Variants in DNMBP observed in about 807,000 individuals in gnomAD.
DNMBP encodes dynamin binding protein.
A neutral mutation model predicts 150.0 loss-of-function variants in DNMBP; 87 were observed. The ratio of observed to expected loss-of-function variants is 0.58; its 90% CI spans 0.49 to 0.69. The LOEUF (loss-of-function observed/expected upper bound fraction) is 0.69. Among genes scored for constraint, DNMBP ranks in the 30% least tolerant of loss-of-function variants. The probability of loss-of-function intolerance (pLI) is 0.00; values close to 1 mark genes in which losing one functional copy is unlikely to be tolerated. For missense variants in DNMBP, 1,774 were observed against 1,949.0 expected, an observed-to-expected ratio of 0.91 and a Z score of 1.69; for synonymous variants, 711 against 750.4, an observed-to-expected ratio of 0.95 and a Z score of 0.86.
chr10:99,995,097 G>A (rs2040937349), intron 1 of DNMBP, among the ~76,000 whole-genome samples: 1 of 149,584 alleles, frequency 6.7e-6, no homozygotes, highest in Non-Finnish European at 1.5e-5. Context: ...CTGTTGCCCA[G>A]ACTGGAGTGC....
At chr10:99,893,400 A>T (rs1328960784) in intron 11 of DNMBP, among the ~76,000 whole-genome samples, 1 of 152,226 alleles carries the variant, frequency 6.6e-6, no homozygotes, top group African/African-American at 2.4e-5. Context: ...AGTTAAATAT[A>T]TTATGACTTG....
chr10:99,986,594 C>CAAAAA lies in DNMBP; in HGVS notation c.-10-14465_-10-14461dup, dbSNP rs747726572. Among the ~76,000 whole-genome samples the CAAAAA allele has an allele frequency of 7.7e-4, 57 of 74,140 alleles. 2 individuals are homozygous for CAAAAA. The highest frequency in any genetic ancestry group is 2.2e-3 in the African/African-American group (45 of 20,730). 48.6% of individuals were successfully genotyped at this position (74,140 alleles called of 152,430 possible). On this transcript the variant is annotated intron_variant, in intron 1 of 16. Transcript: ENST00000324109. ...TGGGAGACAGAGCAAGACTCCGTCT[C>CAAAAA]AAAAAAAAAAAAAAAAAAAAAAAAA...
intron 14 of DNMBP, among the ~76,000 whole-genome samples, chr10:99,885,475 C>T (rs2039441956): frequency 1.3e-5 from 2 of 152,016 alleles, no homozygotes; most frequent in Non-Finnish European, 1.5e-5. Flanking sequence ...CACACCACTG[C>T]ACTCCAGCCT....
chr10:99,960,498 C>T lies in DNMBP; in HGVS notation c.269-3293G>A, dbSNP rs950632525. ...TTATCTTTTATGCTCTTGATTTTTA[C>T]ATGCTCTTGATTTAAAAAAAAATTA... On this transcript the variant is annotated intron_variant, in intron 3 of 16. Transcript: ENST00000324109. 6.6e-5 allele frequency among the ~76,000 whole-genome samples: 10 copies of T among 152,184 alleles called. No homozygotes were observed. In the East Asian group the frequency reaches 7.7e-4, roughly 12 times the overall value.
At chr10:100,002,344 G>A (rs2041023458) in intron 1 of DNMBP, among the ~76,000 whole-genome samples, 1 of 152,072 alleles carries the variant, frequency 6.6e-6, no homozygotes, top group South Asian at 2.1e-4. Flanking sequence ...GAAAGAGAGA[G>A]AAGAGCTGGC....
chr10:99,911,146 T>C (rs964872510), intron 4 of DNMBP, among the ~76,000 whole-genome samples: 1 of 151,382 alleles, frequency 6.6e-6, no homozygotes, highest in African/African-American at 2.4e-5. Context: ...GAGGCTGAGG[T>C]GGGAGGATGG....
intron 1 of DNMBP, among the ~76,000 whole-genome samples, chr10:99,988,700 C>T (rs1238898011): frequency 6.6e-6 from 1 of 152,044 alleles, no homozygotes; most frequent in Non-Finnish European, 1.5e-5. Context: ...CTTGCTCTGT[C>T]ACCCAGGCTG....
At chr10:99,888,202 T>TTTG (rs72493751) in intron 12 of DNMBP, among the ~76,000 whole-genome samples, 9 of 118,570 alleles carry the variant, frequency 7.6e-5, no homozygotes, top group Middle Eastern at 4.3e-3. Flanking sequence ...AAGGTTTTTT[T>TTTG]TTTGTTTGTT....
intron 4 of DNMBP, among the ~76,000 whole-genome samples, chr10:99,945,775 T>G (rs143513834): frequency 6.6e-6 from 1 of 152,224 alleles, no homozygotes; most frequent in Admixed American, 6.5e-5. Flanking sequence ...GATGTGAATA[T>G]TGCTGTGAAA....
At chr10:99,984,415 C>G (rs1360518941) in intron 1 of DNMBP, among the ~76,000 whole-genome samples, 1 of 152,208 alleles carries the variant, frequency 6.6e-6, no homozygotes, top group Non-Finnish European at 1.5e-5. Flanking sequence ...TTAAAATTAA[C>G]AGCTCCACTA....
chr10:99,973,225 C>T (rs890184717), intron 1 of DNMBP, among the ~76,000 whole-genome samples: 2 of 152,198 alleles, frequency 1.3e-5, no homozygotes, highest in Non-Finnish European at 2.9e-5. Flanking sequence ...GCCACCGCAC[C>T]TGGTCTAATT....
Position 99,972,225 on chromosome 10 carries a change from C to T in DNMBP, c.-10-91G>A. ...TCTTGGAATGATAAAGCTTAAGATA[C>T]AAATATACTTAAAATGAAGCCAAAG... On this transcript the variant is annotated intron_variant, in intron 1 of 16. Coordinates refer to ENST00000324109, the MANE Select transcript of DNMBP (RefSeq NM_015221.4). 6.5e-6 allele frequency: 8 copies of T among 1,236,780 alleles called. 1 individual carries two copies. The South Asian group carries it at 1.2e-4, about 19-fold the overall frequency. 76.6% of individuals were successfully genotyped at this position (1,236,780 alleles called of 1,614,324 possible). A position where few individuals can be genotyped will look rare whatever the true frequency, so the allele number is the denominator to read the frequency against.
chr10:99,901,807 G>T (rs1022289292), intron 6 of DNMBP, among the ~76,000 whole-genome samples: 2 of 152,038 alleles, frequency 1.3e-5, no homozygotes, highest in African/African-American at 4.8e-5. Flanking sequence ...GTCCAGGCAC[G>T]ACCCCTCCCC....
intron 1 of DNMBP, among the ~76,000 whole-genome samples, chr10:99,989,655 G>A (rs1441843851): frequency 6.6e-6 from 1 of 152,160 alleles, no homozygotes; most frequent in Non-Finnish European, 1.5e-5. Flanking sequence ...AGGTTGCAGT[G>A]AGCCGAGATC....
intron 3 of DNMBP, among the ~76,000 whole-genome samples, chr10:99,958,864 G>A (rs1019136428): frequency 1.3e-5 from 2 of 152,180 alleles, no homozygotes; most frequent in South Asian, 4.1e-4. Context: ...AAAGTTCACC[G>A]ACGTAGTTTC....
At chr10:99,991,447 G>A (rs2040889990) in intron 1 of DNMBP, among the ~76,000 whole-genome samples, 1 of 151,754 alleles carries the variant, frequency 6.6e-6, no homozygotes, top group Non-Finnish European at 1.5e-5. Context: ...TCCAGCCCTA[G>A]GCAAACACTA....
At chr10:99,882,079 T>C (rs1373393511) in intron 15 of DNMBP, among the ~76,000 whole-genome samples, 2 of 152,166 alleles carry the variant, frequency 1.3e-5, no homozygotes, top group African/African-American at 2.4e-5. Context: ...GGCCACATGG[T>C]TGAACCTGGA....
intron 11 of DNMBP, among the ~76,000 whole-genome samples, chr10:99,891,409 G>C (rs1418957153): frequency 2.0e-5 from 3 of 151,856 alleles, no homozygotes; most frequent in Admixed American, 2.0e-4. Context: ...CCCTAACCGC[G>C]AGTGATCCGC....
chr10:99,884,425 A>AGG (rs1273488142), intron 14 of DNMBP, among the ~76,000 whole-genome samples: 1 of 152,204 alleles, frequency 6.6e-6, no homozygotes, highest in Non-Finnish European at 1.5e-5. Context: ...AGTTAAGAAA[A>AGG]TTTAACACAC....
Sources: gnomAD v4.1 joint callset for allele counts (sites outside exome capture counted in the v4.1 genomes callset) on GRCh38, gnomAD v4.1.1 for gene constraint, MANE v1.5 for transcripts, NCBI Gene and HGNC (gene_info 2026-07-23, HGNC 2026-07-21) for gene names.